Variants in ADGRB2 observed in about 807,000 individuals in gnomAD.
The protein encoded by ADGRB2 is adhesion G protein-coupled receptor B2.
In ADGRB2, 47 loss-of-function variants were observed where a neutral mutation model predicts 178.7. The ratio of observed to expected loss-of-function variants is 0.26; its 90% CI spans 0.21 to 0.34. The LOEUF (loss-of-function observed/expected upper bound fraction) is 0.34, where lower values mean the gene tolerates loss of function less well. Ranked by LOEUF, ADGRB2 falls within the 10% of genes least tolerant of loss-of-function variation. The pLI is 1.00. For synonymous variants in ADGRB2, 870 were observed against 912.4 expected (o/e 0.95, Z 0.84); for missense variants, 1,584 against 2,180.8 (o/e 0.73, Z 5.45).
intron 17 of ADGRB2, 118 bp from the exon 18 acceptor site, chr1:31,738,444 G>T: frequency 6.5e-7 from 1 of 1,542,348 alleles, no homozygotes; most frequent in Non-Finnish European, 8.8e-7. Context: ...CGAGGCAACA[G>T]CAGGGAGTCC....
Position 31,727,709 on chromosome 1 carries a change from T to C in ADGRB2, c.4573-104A>G, listed in dbSNP as rs1281122957. The C allele has an allele frequency of 6.5e-6, 8 of 1,231,802 alleles. No individual in the cohort carries two copies. The highest frequency in any genetic ancestry group is 8.7e-6 in the Non-Finnish European group (8 of 920,890). The allele number at this position is 1,231,802 out of a possible 1,614,324, so 76.3% of individuals were successfully genotyped here. ...CAGAGAGGGCTGGTAATGCCCAAAG[T>C]TATGGAGCAATCAGGTGTCAAGCAG... On this transcript the variant is annotated intron_variant, in intron 32 of 32. Transcript: ENST00000373658. The surrounding 1 kb of genome is among the most constrained non-coding windows in gnomAD (Gnocchi z 4.4).
chr1:31,731,366 A>T lies in ADGRB2; in HGVS notation c.3814T>A (p.Ser1272Thr). The change falls in exon 29 of 33, where the codon TCC becomes ACC. Residue 1272 changes from serine to threonine, a missense_variant. Ser to Thr is a moderately conservative substitution (Grantham distance 58). Around this residue, in one of 3 missense-constraint regions of ADGRB2, gnomAD observed 865 missense variants for 1,192.8 expected, o/e 0.73. Coordinates refer to ENST00000373658, the MANE Select transcript of ADGRB2 (RefSeq NM_001364857.2). ...TCATCCTCATCCAGGGACAGGCGGGATAGTGTGCCCGTGATGGTGGACGGG... is the reference window on the plus strand; with the variant it reads ...TCATCCTCATCCAGGGACAGGCGGGTTAGTGTGCCCGTGATGGTGGACGGG... ...CNPSTITGTL[S>T]RLSLDEDEEP... The T allele has an allele frequency of 6.2e-7, 1 of 1,611,860 alleles. No individual in the cohort carries two copies.
Position 31,732,544 on chromosome 1 carries a change from C to T in ADGRB2, c.3693G>A (p.Ser1231=), listed in dbSNP as rs201162344. ...RADESEDSPD[S]CKNGQLQILS... The stretch of plus-strand genomic sequence containing the variant: ...GGATCTGCAGCTGCCCGTTCTTACA[C>T]GAGTCAGGGGAGTCTTCGCTCTCAT... Residue 1231 remains serine, a synonymous_variant, in exon 27 of 33, where the codon TCG becomes TCA. Coordinates refer to ENST00000373658, the MANE Select transcript of ADGRB2 (RefSeq NM_001364857.2). 2.6e-5 allele frequency: 42 copies of T among 1,614,068 alleles called. No homozygotes were observed. The highest frequency in any genetic ancestry group is 1.6e-4 in the Middle Eastern group (1 of 6,084).
At chr1:31,763,686 G>C (rs892922981) in intron 1 of ADGRB2, among the ~76,000 whole-genome samples, 198 bp downstream of exon 1, 7 of 151,906 alleles carry the variant, frequency 4.6e-5, no homozygotes, top group African/African-American at 1.7e-4. Flanking sequence ...AGCGATTAAG[G>C]GGGCCTCGGC....
chr1:31,763,065 G>A (rs909860178), intron 1 of ADGRB2, among the ~76,000 whole-genome samples: 5 of 152,242 alleles, frequency 3.3e-5, no homozygotes, highest in Middle Eastern at 3.2e-3. Flanking sequence ...GCGGGAGGGT[G>A]CGTCTGGTGC....
At chr1:31,752,742 C>A (rs919477744) in intron 4 of ADGRB2, among the ~76,000 whole-genome samples, 3 of 151,814 alleles carry the variant, frequency 2.0e-5, no homozygotes, top group African/African-American at 7.3e-5. Flanking sequence ...TTCAGTAGCA[C>A]TGGGGATTTG....
chr1:31,758,262 A>C lies in ADGRB2; in HGVS notation c.-190-751T>G, dbSNP rs1646932333. On this transcript the variant is annotated intron_variant, in intron 1 of 32. Transcript: ENST00000373658. The surrounding 1 kb of genome is among the most constrained non-coding windows in gnomAD (Gnocchi z 4.2). ...GGAAAAGGGAGACAACCCGCTCCAG[A>C]TCACACAAAGGTGGCCACAGAGGAC... Among the ~76,000 whole-genome samples the C allele has an allele frequency of 6.6e-6, 1 of 152,176 alleles. No individual in the cohort carries two copies. The highest frequency in any genetic ancestry group is 2.4e-5 in the African/African-American group (1 of 41,428).
At chr1:31,739,817 G>C (rs759581959) in intron 14 of ADGRB2, 109 bp downstream of exon 14, 35 of 1,232,166 alleles carry the variant, frequency 2.8e-5, no homozygotes, top group Non-Finnish European at 3.8e-5. Context: ...ATGAAGGAGA[G>C]GGTAGAATGT....
intron 4 of ADGRB2, among the ~76,000 whole-genome samples, chr1:31,748,957 A>G (rs1340069426): frequency 6.6e-6 from 1 of 152,244 alleles, no homozygotes; most frequent in East Asian, 1.9e-4. Context: ...GTGGGATTCA[A>G]ACCCAGGCCT....
chr1:31,744,492 T>C lies in ADGRB2; in HGVS notation c.923-135A>G. Reference sequence around the variant, plus strand: ...TACCCTGACCCCAAGTAACAGGCTCTTCAGGAGGCCACCCAGCCCTTCCCA... The same window carrying C: ...TACCCTGACCCCAAGTAACAGGCTCCTCAGGAGGCCACCCAGCCCTTCCCA... On this transcript the variant is annotated intron_variant, in intron 5 of 32. Coordinates refer to ENST00000373658, the MANE Select transcript of ADGRB2 (RefSeq NM_001364857.2). This position sits in a 1 kb window ranked among gnomAD's most constrained non-coding sequence, Gnocchi z 6.7. The C allele has an allele frequency of 2.1e-6, 3 of 1,442,238 alleles. No homozygotes were observed. Among genetic ancestry groups the C allele is most frequent in the Non-Finnish European group, 2.8e-6 (3 of 1,060,694 alleles). The allele number at this position is 1,442,238 out of a possible 1,614,324, so 89.3% of individuals were successfully genotyped here.
intron 4 of ADGRB2, among the ~76,000 whole-genome samples, chr1:31,751,969 A>T (rs1646595258): frequency 6.6e-6 from 1 of 152,142 alleles, no homozygotes; most frequent in Non-Finnish European, 1.5e-5. Flanking sequence ...CCCTCCCCAC[A>T]GCTCTGTGGA....
chr1:31,744,309 G>A lies in ADGRB2; in HGVS notation c.971C>T (p.Thr324Met), dbSNP rs201728918. The A allele has an allele frequency of 1.4e-4, 219 of 1,551,432 alleles. No individual in the cohort carries two copies. Among genetic ancestry groups the A allele is most frequent in the East Asian group, 1.2e-3 (49 of 40,914 alleles). ...EWSPWSVCSL[T>M]CGQGLQVRTR... ...CCGCACCTGCAGACCCTGCCCACAC[G>A]TCAGGGAACACACGCTCCACGGGGA... Residue 324 changes from threonine to methionine, a missense_variant, in exon 6 of 33, where the codon ACG (threonine) becomes ATG (methionine). By Grantham distance (81) the Thr-to-Met change is moderately conservative (BLOSUM62 -1). Coordinates refer to ENST00000373658, the MANE Select transcript of ADGRB2 (RefSeq NM_001364857.2). This position sits in a 1 kb window ranked among gnomAD's most constrained non-coding sequence, Gnocchi z 6.7.
Position 31,727,621 on chromosome 1 carries a change from G to A in ADGRB2, c.4573-16C>T. On this transcript the variant is annotated splice_polypyrimidine_tract_variant and intron_variant, in intron 32 of 32. Coordinates refer to ENST00000373658, the MANE Select transcript of ADGRB2 (RefSeq NM_001364857.2). The surrounding 1 kb of genome is among the most constrained non-coding windows in gnomAD (Gnocchi z 4.4). ...TGGGCTTATCCTGTGGAGGGAGCGG[G>A]AGGGGCCGTGGAGATGGGCCAATAT... 2 of 1,495,960 alleles carry A rather than the reference G, an allele frequency of 1.3e-6. No homozygotes were observed. Among genetic ancestry groups the A allele is most frequent in the East Asian group, 2.4e-5 (1 of 41,492 alleles). The allele number at this position is 1,495,960 out of a possible 1,614,324, so 92.7% of individuals were successfully genotyped here.
chr1:31,761,083 C>T lies in ADGRB2; in HGVS notation c.-191+2801G>A, dbSNP rs974941656. 1 of 152,264 alleles carries T rather than the reference C, an allele frequency of 6.6e-6. No individual in the cohort carries two copies. The highest frequency in any genetic ancestry group is 1.5e-5 in the Non-Finnish European group (1 of 68,094). 9.4% of individuals were successfully genotyped at this position (152,264 alleles called of 1,614,324 possible). On this transcript the variant is annotated intron_variant, in intron 1 of 32. Coordinates refer to ENST00000373658, the MANE Select transcript of ADGRB2 (RefSeq NM_001364857.2). This position sits in a 1 kb window ranked among gnomAD's most constrained non-coding sequence, Gnocchi z 4.2. ...CTCAGCCGCCCTCCGCCCGCCTCCC[C>T]GGAACTTTGCAGCAGCTGGAGCCGC...
intron 21 of ADGRB2, 51 bp from the exon 22 acceptor site, chr1:31,736,441 C>A (rs1645611869): frequency 6.2e-7 from 1 of 1,607,830 alleles, no homozygotes; most frequent in Non-Finnish European, 8.5e-7. Context: ...TTCAGGGACC[C>A]CTTGTTCTCC....
chr1:31,744,259 A>G lies in ADGRB2; in HGVS notation c.1021T>C (p.Tyr341His). The change falls in exon 6 of 33, where the codon TAT becomes CAT. Residue 341 changes from tyrosine to histidine, a missense_variant. Tyr to His is a moderately conservative substitution (Grantham distance 83, BLOSUM62 2). Coordinates refer to ENST00000373658, the MANE Select transcript of ADGRB2 (RefSeq NM_001364857.2). The surrounding 1 kb of genome is among the most constrained non-coding windows in gnomAD (Gnocchi z 6.7). Reference sequence around the variant, plus strand: ...AGGGGCCCGCTGCACAGGGTCCCATAGGGGGAGGACACACAGGAGCGGGTC... The same window carrying G: ...AGGGGCCCGCTGCACAGGGTCCCATGGGGGGAGGACACACAGGAGCGGGTC... The part of the protein sequence containing the change: ...VRTRSCVSSP[Y>H]GTLCSGPLRE... The G allele has an allele frequency of 1.3e-6, 2 of 1,551,070 alleles. No individual in the cohort carries two copies. Among genetic ancestry groups the G allele is most frequent in the Middle Eastern group, 1.7e-4 (1 of 5,948 alleles).
intron 29 of ADGRB2, 31 bp downstream of exon 29, chr1:31,730,769 G>A: frequency 1.4e-6 from 2 of 1,468,914 alleles, no homozygotes; most frequent in African/African-American, 2.8e-5. Flanking sequence ...CACAGTCTCA[G>A]ACACACACCC....
rs1300562181 is a variant in ADGRB2, at chr1:31,728,248, T to C, written c.4449A>G (p.Glu1483=). The C allele has an allele frequency of 6.2e-7, 1 of 1,613,992 alleles. No individual in the cohort carries two copies. The highest frequency in any genetic ancestry group is 8.5e-7 in the Non-Finnish European group (1 of 1,179,990). ...ACTTCTGGTTGAGCTCGTGGTAGAG[T>C]TCTGAATGCCGTTTCCGGGTGTGCA... ...KVMHTRKRHS[E]LYHELNQKFH... The change falls in exon 31 of 33, where the codon GAA becomes GAG. Residue 1483 remains glutamate, a synonymous_variant. Transcript: ENST00000373658. This position sits in a 1 kb window ranked among gnomAD's most constrained non-coding sequence, Gnocchi z 6.7.
In ADGRB2 at chr1:31,739,333, G is replaced by A; in HGVS notation, c.2470C>T (p.Leu824Phe). 6.9e-7 allele frequency: 1 copy of A among 1,455,468 alleles called. No homozygotes were observed. The highest frequency in any genetic ancestry group is 9.1e-7 in the Non-Finnish European group (1 of 1,101,354). The allele number at this position is 1,455,468 out of a possible 1,614,324, so 90.2% of individuals were successfully genotyped here. Residue 824 changes from leucine to phenylalanine, a missense_variant, in exon 15 of 33, where the codon CTT (leucine) becomes TTT (phenylalanine). Physicochemically the swap from Leu to Phe is conservative, Grantham distance 22. Transcript: ENST00000373658. Reference protein sequence around the residue: ...FVIGAVLYRTLGLILPPPRPP... With the variant: ...FVIGAVLYRTFGLILPPPRPP... Reference sequence around the variant, plus strand: ...CTGGGAGGCGGCAGGATGAGGCCAAGGGTGCGGTAGAGTACAGCACCGATC... The same window carrying A: ...CTGGGAGGCGGCAGGATGAGGCCAAAGGTGCGGTAGAGTACAGCACCGATC...
Sources: allele counts gnomAD v4.1 joint callset (sites outside exome capture counted in the v4.1 genomes callset), GRCh38; gene constraint gnomAD v4.1.1; regional missense constraint gnomAD v4.1.1; non-coding constraint Gnocchi (gnomAD v3.1); transcripts MANE v1.5; gene names NCBI Gene and HGNC (gene_info 2026-07-23, HGNC 2026-07-21).